Variants in MRPL57 observed in about 807,000 individuals in gnomAD.
The protein encoded by MRPL57 is mitochondrial ribosomal protein L57, also known as large ribosomal subunit protein mL63.
In MRPL57, 1 loss-of-function variant was observed where a neutral mutation model predicts 1.3. The ratio of observed to expected loss-of-function variants is 0.79; its 90% CI spans 0.28 to 3.75. The LOEUF is 3.75. Ranked by LOEUF, MRPL57 falls within the 30% of genes most tolerant of loss-of-function variation. MRPL57 has a pLI of 0.19. For synonymous variants in MRPL57, 79 were observed against 61.7 expected, an observed-to-expected ratio of 1.28 and a Z score of -1.31; for missense variants, 170 against 148.9, an observed-to-expected ratio of 1.14 and a Z score of -0.74.
chr13:21,177,490 G>A lies in MRPL57; in HGVS notation c.*265G>A. 2.0e-6 allele frequency: 1 copy of A among 500,562 alleles called. No individual in the cohort carries two copies. The highest frequency in any genetic ancestry group is 3.6e-6 in the Non-Finnish European group (1 of 276,212). The allele number at this position is 500,562 out of a possible 1,614,324, so 31.0% of individuals were successfully genotyped here. A position where few individuals can be genotyped will look rare whatever the true frequency, so the allele number is the denominator to read the frequency against. On this transcript the variant is annotated 3_prime_UTR_variant, in exon 2 of 2. Transcript: ENST00000309594. ...ACAGATGATATTTTGAAGGAAAGCTGCAATAAAGCCACAATGATTTGAGGT... is the reference window on the plus strand; with the variant it reads ...ACAGATGATATTTTGAAGGAAAGCTACAATAAAGCCACAATGATTTGAGGT...
In MRPL57 at chr13:21,177,100, C is replaced by T; in HGVS notation, c.184C>T (p.His62Tyr). 6.8e-6 allele frequency: 11 copies of T among 1,613,908 alleles called. No individual in the cohort carries two copies. The highest frequency in any genetic ancestry group is 9.3e-6 in the Non-Finnish European group (11 of 1,180,030). Residue 62 changes from histidine to tyrosine, a missense_variant, in exon 2 of 2, where the codon CAC becomes TAC. Physicochemically the swap from His to Tyr is moderately conservative, Grantham distance 83 (BLOSUM62 2). Coordinates refer to ENST00000309594, the MANE Select transcript of MRPL57 (RefSeq NM_024026.5). Reference sequence around the variant, plus strand: ...CATGACCCGGGAGCAGGAGCGCGGCCACGCCGCGGTGCGCAGGAGGGAGGC... The same window carrying T: ...CATGACCCGGGAGCAGGAGCGCGGCTACGCCGCGGTGCGCAGGAGGGAGGC... ...PYMTREQERG[H>Y]AAVRRREAFE...
At position 21,178,839 on chromosome 13, in the gene MRPL57, A is replaced by AT. The variant is rs1170358753; in HGVS notation, c.*1615dup. Reference sequence around the variant, plus strand: ...AAAATTTAGCCAGGCTTGGTCATGCATGCCTGTAATCCTAGCTACTGGGAA... The same window carrying AT: ...AAAATTTAGCCAGGCTTGGTCATGCATTGCCTGTAATCCTAGCTACTGGGAA... On this transcript the variant is annotated 3_prime_UTR_variant, in exon 2 of 2. Coordinates refer to ENST00000309594, the MANE Select transcript of MRPL57 (RefSeq NM_024026.5). 1.9e-5 allele frequency: 3 copies of AT among 161,628 alleles called. No homozygotes were observed. Among genetic ancestry groups the AT allele is most frequent in the African/African-American group, 7.2e-5 (3 of 41,438 alleles). The allele number at this position is 161,628 out of a possible 1,614,324, so 10.0% of individuals were successfully genotyped here.
In MRPL57 at chr13:21,176,668, C is replaced by A. The variant is rs1010326148; in HGVS notation, c.-55C>A. On this transcript the variant is annotated 5_prime_UTR_variant, in exon 1 of 2. Transcript: ENST00000309594. ...CCGCGAGACGGGTGCGCTTACGCCACGGCGTCTGCTGGCGGCCGCGGAGAC... is the reference window on the plus strand; with the variant it reads ...CCGCGAGACGGGTGCGCTTACGCCAAGGCGTCTGCTGGCGGCCGCGGAGAC... 1.3e-5 allele frequency: 9 copies of A among 674,386 alleles called. No individual in the cohort carries two copies. Among genetic ancestry groups the A allele is most frequent in the Non-Finnish European group, 1.9e-5 (8 of 414,246 alleles). The allele number at this position is 674,386 out of a possible 1,614,324, so 41.8% of individuals were successfully genotyped here. A position where few individuals can be genotyped will look rare whatever the true frequency, so the allele number is the denominator to read the frequency against.
rs1871635451 is a variant in MRPL57, at chr13:21,177,283, C to T, written c.*58C>T. 1.3e-6 allele frequency: 2 copies of T among 1,555,902 alleles called. No homozygotes were observed. Among genetic ancestry groups the T allele is most frequent in the East Asian group, 2.3e-5 (1 of 44,430 alleles). On this transcript the variant is annotated 3_prime_UTR_variant, in exon 2 of 2. Coordinates refer to ENST00000309594, the MANE Select transcript of MRPL57 (RefSeq NM_024026.5). Reference sequence around the variant, plus strand: ...ACGGAGCTGACCATCTTTACCTGGTCCTGGAACTGAAAAACTGTAGCTTGT... The same window carrying T: ...ACGGAGCTGACCATCTTTACCTGGTTCTGGAACTGAAAAACTGTAGCTTGT...
intron 1 of MRPL57, 71 bp from the exon 2 acceptor site, chr13:21,176,841 C>G: frequency 6.7e-7 from 1 of 1,495,190 alleles, no homozygotes; most frequent in Non-Finnish European, 9.0e-7. Flanking sequence ...AGCTGGAGCG[C>G]GCGCCCGCTG....
Position 21,177,280 on chromosome 13 carries a change from G to T in MRPL57, c.*55G>T, listed in dbSNP as rs575939527. The T allele has an allele frequency of 1.7e-5, 27 of 1,572,136 alleles. No individual in the cohort carries two copies. In the East Asian group the frequency reaches 5.8e-4, roughly 34 times the overall value. On this transcript the variant is annotated 3_prime_UTR_variant, in exon 2 of 2. Coordinates refer to ENST00000309594, the MANE Select transcript of MRPL57 (RefSeq NM_024026.5). ...ATCACGGAGCTGACCATCTTTACCT[G>T]GTCCTGGAACTGAAAAACTGTAGCT...
chr13:21,176,802 G>T (rs1871582253), intron 1 of MRPL57, 85 bp downstream of exon 1: 1 of 1,149,952 alleles, frequency 8.7e-7, no homozygotes, highest in Non-Finnish European at 1.2e-6. Context: ...CTCTGGAGGG[G>T]AGGCGGTGCG....
In MRPL57 at chr13:21,177,622, A is replaced by C. The variant is rs1871655681; in HGVS notation, c.*397A>C. The C allele has an allele frequency of 4.6e-6, 1 of 219,222 alleles. No individual in the cohort carries two copies. Among genetic ancestry groups the C allele is most frequent in the Non-Finnish European group, 9.8e-6 (1 of 102,396 alleles). The allele number at this position is 219,222 out of a possible 1,614,324, so 13.6% of individuals were successfully genotyped here. A position where few individuals can be genotyped will look rare whatever the true frequency, so the allele number is the denominator to read the frequency against. On this transcript the variant is annotated 3_prime_UTR_variant, in exon 2 of 2. Coordinates refer to ENST00000309594, the MANE Select transcript of MRPL57 (RefSeq NM_024026.5). ...AAGAAAATATGAGCTTTTCAGTTAA[A>C]CATACTCCTAAAAACATTTTCCGGG...
Position 21,178,131 on chromosome 13 carries a change from C to G in MRPL57, c.*906C>G, listed in dbSNP as rs945196929. 6.1e-6 allele frequency: 1 copy of G among 164,894 alleles called. No individual in the cohort carries two copies. Among genetic ancestry groups the G allele is most frequent in the Non-Finnish European group, 1.5e-5 (1 of 68,124 alleles). 10.2% of individuals were successfully genotyped at this position (164,894 alleles called of 1,614,324 possible). On this transcript the variant is annotated 3_prime_UTR_variant, in exon 2 of 2. Transcript: ENST00000309594. ...CCAGCTTGGGCAACATAGCGAGACCCTATCTAAAATAACAATAATATATGG... is the reference window on the plus strand; with the variant it reads ...CCAGCTTGGGCAACATAGCGAGACCGTATCTAAAATAACAATAATATATGG...
At chr13:21,176,764 C>A in intron 1 of MRPL57, 47 bp downstream of exon 1, 1 of 819,908 alleles carries the variant, frequency 1.2e-6, no homozygotes, top group Non-Finnish European at 1.9e-6. Context: ...CCTTCTTCGC[C>A]TGCTGGCCTT....
Position 21,176,898 on chromosome 13 carries a change from C to T in MRPL57, c.-5-14C>T, listed in dbSNP as rs1415743103. On this transcript the variant is annotated splice_polypyrimidine_tract_variant and intron_variant, in intron 1 of 1. Coordinates refer to ENST00000309594, the MANE Select transcript of MRPL57 (RefSeq NM_024026.5). ...CCAGTTCGCCTCCGCAAAGCCCGTC[C>T]CTCTCTTCCGCAGGCACCATGTTCC... 2 of 1,599,032 alleles carry T rather than the reference C, an allele frequency of 1.3e-6. No individual in the cohort carries two copies. The highest frequency in any genetic ancestry group is 1.3e-5 in the African/African-American group (1 of 74,838).
Position 21,178,064 on chromosome 13 carries a change from T to C in MRPL57, c.*839T>C, listed in dbSNP as rs576751859. On this transcript the variant is annotated 3_prime_UTR_variant, in exon 2 of 2. Transcript: ENST00000309594. ...TAGCTATTTTGGCAGGGTGCTGTGG[T>C]GCTTGCATGTAGTCCCAGCTATTCA... is the stretch of plus-strand genomic sequence containing the variant. The C allele has an allele frequency of 6.0e-6, 1 of 167,258 alleles. No homozygotes were observed. The highest frequency in any genetic ancestry group is 1.9e-4 in the East Asian group (1 of 5,192). The allele number at this position is 167,258 out of a possible 1,614,324, so 10.4% of individuals were successfully genotyped here.
At chr13:21,176,776 C>T in intron 1 of MRPL57, 59 bp downstream of exon 1, 1 of 914,842 alleles carries the variant, frequency 1.1e-6, no homozygotes, top group Non-Finnish European at 1.6e-6. Context: ...GCTGGCCTTA[C>T]CTGGGCTCCC....
chr13:21,176,822 G>A, intron 1 of MRPL57, 90 bp from the exon 2 acceptor site: 3 of 1,371,322 alleles, frequency 2.2e-6, no homozygotes, highest in East Asian at 4.7e-5. Flanking sequence ...GGGAACTCCC[G>A]TAGGCGTGAG....
chr13:21,178,503 A>G lies in MRPL57; in HGVS notation c.*1278A>G, dbSNP rs1871706328. 1 of 167,052 alleles carries G rather than the reference A, an allele frequency of 6.0e-6. No individual in the cohort carries two copies. Among genetic ancestry groups the G allele is most frequent in the Admixed American group, 6.5e-5 (1 of 15,276 alleles). 10.3% of individuals were successfully genotyped at this position (167,052 alleles called of 1,614,324 possible). On this transcript the variant is annotated 3_prime_UTR_variant, in exon 2 of 2. Coordinates refer to ENST00000309594, the MANE Select transcript of MRPL57 (RefSeq NM_024026.5). ...AAGGAGAAACCACTATTGACTGGGA[A>G]GACACACAAAGAACTTTGTCAAAGT...
rs1167862359 is a variant in MRPL57, at chr13:21,176,931, G to A, written c.15G>A (p.Ala5=). 5 of 1,609,022 alleles carry A rather than the reference G, an allele frequency of 3.1e-6. No homozygotes were observed. The African/African-American group carries it at 6.7e-5, about 21-fold the overall frequency. Residue 5 remains alanine (A), a synonymous_variant, in exon 2 of 2, where the codon GCG becomes GCA. Transcript: ENST00000309594. The part of the protein sequence containing the change: MFLT[A]LLWRGRIPGR... The stretch of plus-strand genomic sequence containing the variant: ...CCGCAGGCACCATGTTCCTGACTGC[G>A]CTCCTCTGGCGCGGCCGCATTCCCG...
Position 21,177,390 on chromosome 13 carries a change from C to CT in MRPL57, c.*165_*166insT. ...CATATCGAATATCTAGAGCTCTAAA[C>CT]CCCCAATACTTAAAAGTCTAATTGC... On this transcript the variant is annotated 3_prime_UTR_variant, in exon 2 of 2. Transcript: ENST00000309594. 2 of 535,628 alleles carry CT rather than the reference C, an allele frequency of 3.7e-6. No individual in the cohort carries two copies. Among genetic ancestry groups the CT allele is most frequent in the South Asian group, 2.1e-5 (1 of 48,194 alleles). 33.2% of individuals were successfully genotyped at this position (535,628 alleles called of 1,614,324 possible). A position where few individuals can be genotyped will look rare whatever the true frequency, so the allele number is the denominator to read the frequency against.
At chr13:21,176,826 G>C (rs1871584051) in intron 1 of MRPL57, 86 bp from the exon 2 acceptor site, 17 of 1,400,822 alleles carry the variant, frequency 1.2e-5, no homozygotes, top group Non-Finnish European at 1.5e-5. Context: ...ACTCCCGTAG[G>C]CGTGAGCTGG....
In MRPL57 at chr13:21,177,300, G is replaced by A; in HGVS notation, c.*75G>A. 6.7e-7 allele frequency: 1 copy of A among 1,481,814 alleles called. No homozygotes were observed. Among genetic ancestry groups the A allele is most frequent in the Admixed American group, 2.1e-5 (1 of 48,152 alleles). 91.8% of individuals were successfully genotyped at this position (1,481,814 alleles called of 1,614,324 possible). On this transcript the variant is annotated 3_prime_UTR_variant, in exon 2 of 2. Transcript: ENST00000309594. ...TACCTGGTCCTGGAACTGAAAAACT[G>A]TAGCTTGTGTGAAAATGAGCCTTTG...
Sources: allele counts gnomAD v4.1 joint callset, GRCh38; gene constraint gnomAD v4.1.1; transcripts MANE v1.5; gene names NCBI Gene and HGNC (gene_info 2026-07-23, HGNC 2026-07-21).